Variants in RNF170 observed in about 807,000 individuals in gnomAD.
RNF170 encodes ring finger protein 170, also known as E3 ubiquitin-protein ligase RNF170.
A neutral mutation model predicts 32.7 loss-of-function variants in RNF170; 12 were observed. That is an observed-to-expected ratio of 0.37 (90% confidence interval 0.24 to 0.60). The LOEUF is 0.60. RNF170 is among the 20% of genes least tolerant of loss of function. The probability of loss-of-function intolerance (pLI) is 0.72; values close to 1 mark genes in which losing one functional copy is unlikely to be tolerated. For synonymous variants in RNF170, 91 were observed against 103.6 expected (o/e 0.88, Z 0.74); for missense variants, 212 against 311.2 (o/e 0.68, Z 2.40).
In RNF170 at chr8:42,855,754, C is replaced by T; in HGVS notation, c.*405G>A. On this transcript the variant is annotated 3_prime_UTR_variant, in exon 7 of 7. Transcript: ENST00000527424. ...AACAAAAATATTTAGATGAGTTTCACAGCTATATATTATCATATAGGTACC... is the reference window on the plus strand; with the variant it reads ...AACAAAAATATTTAGATGAGTTTCATAGCTATATATTATCATATAGGTACC... 1 of 1,253,510 alleles carries T rather than the reference C, an allele frequency of 8.0e-7. No individual in the cohort carries two copies. Among genetic ancestry groups the T allele is most frequent in the Non-Finnish European group, 1.0e-6 (1 of 964,798 alleles). The allele number at this position is 1,253,510 out of a possible 1,614,324, so 77.6% of individuals were successfully genotyped here. A position where few individuals can be genotyped will look rare whatever the true frequency, so the allele number is the denominator to read the frequency against.
At chr8:42,870,384 TA>T (rs1486352012) in intron 3 of RNF170, among the ~76,000 whole-genome samples, 3 of 152,208 alleles carry the variant, frequency 2.0e-5, no homozygotes, top group African/African-American at 7.2e-5. Context: ...CTGGAATAAG[TA>T]AATTATTCTG....
downstream of RNF170, among the ~76,000 whole-genome samples, chr8:42,851,586 A>G (rs1426287204): frequency 6.6e-6 from 1 of 151,008 alleles, no homozygotes; most frequent in East Asian, 1.9e-4. Context: ...AAAAAGAAAG[A>G]AAAAGAAAGA....
At chr8:42,888,341 G>C (rs1397216729) in intron 1 of RNF170, among the ~76,000 whole-genome samples, 1 of 151,950 alleles carries the variant, frequency 6.6e-6, no homozygotes, top group East Asian at 1.9e-4. Context: ...CGGGATTACA[G>C]GCATGAGCCA....
intron 6 of RNF170, among the ~76,000 whole-genome samples, chr8:42,859,161 C>CTTTTCT (rs1422935800): frequency 6.6e-6 from 1 of 151,542 alleles, no homozygotes; most frequent in Non-Finnish European, 1.5e-5. Flanking sequence ...TCGAGCCTGT[C>CTTTTCT]TCAAAACAAA....
chr8:42,851,975 A>G (rs1802953299), downstream of RNF170, among the ~76,000 whole-genome samples: 1 of 152,198 alleles, frequency 6.6e-6, no homozygotes, highest in African/African-American at 2.4e-5. Context: ...CCTTTTACTG[A>G]GAGTCAAACG....
At chr8:42,892,661 G>A (rs981419843) in intron 1 of RNF170, among the ~76,000 whole-genome samples, 2 of 150,444 alleles carry the variant, frequency 1.3e-5, no homozygotes, top group African/African-American at 4.9e-5. Context: ...TTATTTGGAG[G>A]CTCTGTTGCA....
intron 1 of RNF170, among the ~76,000 whole-genome samples, chr8:42,893,745 CT>C (rs1287961301): frequency 6.6e-6 from 1 of 152,166 alleles, no homozygotes; most frequent in Non-Finnish European, 1.5e-5. Flanking sequence ...ATGATAAAAA[CT>C]AGCCATGCCT....
chr8:42,873,307 A>C (rs1201413095), intron 3 of RNF170, among the ~76,000 whole-genome samples: 1 of 152,072 alleles, frequency 6.6e-6, no homozygotes, highest in African/African-American at 2.4e-5. Context: ...AAAAAAAAAA[A>C]ACGCTTATTG....
chr8:42,858,402 G>C (rs929555804), intron 6 of RNF170, among the ~76,000 whole-genome samples: 5 of 152,186 alleles, frequency 3.3e-5, no homozygotes, highest in South Asian at 2.1e-4. Flanking sequence ...ATATTCGGCT[G>C]GGAGCAGCAG....
chr8:42,874,610 C>T (rs1488535892), intron 2 of RNF170, among the ~76,000 whole-genome samples: 11 of 151,710 alleles, frequency 7.3e-5, no homozygotes, highest in African/African-American at 2.7e-4. Flanking sequence ...GGCTTGGTGG[C>T]GGGCGCCTGT....
chr8:42,897,078 A>G, upstream of RNF170: 1 of 1,215,282 alleles, frequency 8.2e-7, no homozygotes, highest in Non-Finnish European at 1.0e-6. Flanking sequence ...CCCCCGACAG[A>G]GCGGCGGCGG....
At chr8:42,880,632 T>C (rs1051737113) in intron 2 of RNF170, among the ~76,000 whole-genome samples, 9 of 152,216 alleles carry the variant, frequency 5.9e-5, no homozygotes, top group African/African-American at 2.2e-4. Context: ...TAGCTGGGCA[T>C]GGTGGTGCGC....
At chr8:42,878,802 G>A (rs1805158709) in intron 2 of RNF170, among the ~76,000 whole-genome samples, 1 of 152,198 alleles carries the variant, frequency 6.6e-6, no homozygotes, top group Non-Finnish European at 1.5e-5. Context: ...AGAAGTCAAT[G>A]CCTGTCTTCA....
intron 5 of RNF170, among the ~76,000 whole-genome samples, chr8:42,863,963 A>AGG (rs1803870319): frequency 1.7e-5 from 2 of 119,140 alleles, no homozygotes; most frequent in African/African-American, 6.6e-5. Flanking sequence ...TAAAGGCTGA[A>AGG]GGAGAGAGAG....
downstream of RNF170, among the ~76,000 whole-genome samples, chr8:42,852,565 G>A (rs1411028704): frequency 3.3e-5 from 5 of 151,826 alleles, no homozygotes; most frequent in African/African-American, 7.3e-5. Flanking sequence ...CTACAGGTGC[G>A]TGCCACCACA....
At chr8:42,896,607 G>A, upstream of RNF170, 1 of 453,692 alleles carries the variant, frequency 2.2e-6, no homozygotes, top group South Asian at 1.5e-5. Context: ...TTGGAGTGCG[G>A]GTGCGGGCGC....
rs1379962247 is a variant in RNF170 at position 42,854,314 on chromosome 8, T to C, written c.*1845A>G. On this transcript the variant is annotated 3_prime_UTR_variant, in exon 7 of 7. Coordinates refer to ENST00000527424, the MANE Select transcript of RNF170 (RefSeq NM_030954.4). ...CTTTCACGTCTATCTAAACATTCTA[T>C]GCAGGAGTCCTACTAAGAAATTTTG... The C allele has an allele frequency of 7.8e-7, 1 of 1,287,236 alleles. No individual in the cohort carries two copies. Among genetic ancestry groups the C allele is most frequent in the East Asian group, 5.5e-5 (1 of 18,030 alleles). 79.7% of individuals were successfully genotyped at this position (1,287,236 alleles called of 1,614,324 possible).
chr8:42,862,391 TATAAC>T (rs972934945), intron 5 of RNF170, among the ~76,000 whole-genome samples: 1 of 152,208 alleles, frequency 6.6e-6, no homozygotes, highest in Non-Finnish European at 1.5e-5. Context: ...GATATTGTCA[TATAAC>T]ATAATACATT....
intron 6 of RNF170, among the ~76,000 whole-genome samples, chr8:42,857,430 C>G (rs1412974422): frequency 6.6e-6 from 1 of 152,214 alleles, no homozygotes; most frequent in Non-Finnish European, 1.5e-5. Flanking sequence ...TTTAGATACT[C>G]TAACAAACAG....
Sources: gnomAD v4.1 joint callset for allele counts (sites outside exome capture counted in the v4.1 genomes callset) on GRCh38, gnomAD v4.1.1 for gene constraint, MANE v1.5 for transcripts, NCBI Gene and HGNC (gene_info 2026-07-23, HGNC 2026-07-21) for gene names.